The following ADK variants were observed in gnomAD, a reference collection of about 807,000 sequenced individuals.
The protein encoded by ADK is N6,N6-dimethyladenosine kinase.
Under a neutral mutation model 44.7 loss-of-function variants are expected in ADK, and 24 were observed. The observed-to-expected ratio is 0.54, with a 90% confidence interval of 0.39 to 0.76. The LOEUF (loss-of-function observed/expected upper bound fraction) is 0.76. Among genes scored for constraint, ADK ranks in the 30% least tolerant of loss-of-function variants. The probability of loss-of-function intolerance (pLI) is 0.00; values close to 1 mark genes in which losing one functional copy is unlikely to be tolerated. For missense variants in ADK, 321 were observed against 425.1 expected (o/e 0.76, Z 2.15); for synonymous variants, 128 against 142.6 (o/e 0.90, Z 0.73).
At chr10:74,182,580 G>C (rs1842600362) in intron 1 of ADK, among the ~76,000 whole-genome samples, 1 of 152,092 alleles carries the variant, frequency 6.6e-6, no homozygotes, top group Non-Finnish European at 1.5e-5. Flanking sequence ...TATTGGTCAG[G>C]CTGGCCTCGA....
At chr10:74,350,780 A>G (rs1414468729) in intron 4 of ADK, among the ~76,000 whole-genome samples, 1 of 152,230 alleles carries the variant, frequency 6.6e-6, no homozygotes, top group South Asian at 2.1e-4. Flanking sequence ...AGAGAATACT[A>G]TAAACACCTC....
chr10:74,218,564 T>C (rs1323929974), intron 2 of ADK, among the ~76,000 whole-genome samples: 1 of 151,916 alleles, frequency 6.6e-6, no homozygotes, highest in Non-Finnish European at 1.5e-5. Flanking sequence ...GACACATAAT[T>C]GTCAGATTCA....
chr10:74,196,528 G>T lies in ADK; in HGVS notation c.66-4236G>T, dbSNP rs568643080. On this transcript the variant is annotated intron_variant, in intron 1 of 10. Transcript: ENST00000539909. Reference sequence around the variant, plus strand: ...GCATTCCAGCCTGGTGACAGAGCGAGATTCTGTCTCAAAAAAAAGAAAATG... The same window carrying T: ...GCATTCCAGCCTGGTGACAGAGCGATATTCTGTCTCAAAAAAAAGAAAATG... 3.9e-5 allele frequency among the ~76,000 whole-genome samples: 6 copies of T among 152,170 alleles called. No individual in the cohort carries two copies. The South Asian group carries it at 1.0e-3, about 26-fold the overall frequency.
chr10:74,457,798 A>G (rs1052180489), intron 6 of ADK, among the ~76,000 whole-genome samples: 1 of 152,170 alleles, frequency 6.6e-6, no homozygotes, highest in African/African-American at 2.4e-5. Context: ...GTTCTCACTC[A>G]TAAGTGGGGG....
chr10:74,606,600 CTGTT>C (rs1336682986), intron 9 of ADK, among the ~76,000 whole-genome samples: 1 of 152,098 alleles, frequency 6.6e-6, no homozygotes, highest in African/African-American at 2.4e-5. Context: ...GTCTGAGAGA[CTGTT>C]TGTTATGATT....
chr10:74,353,379 A>G (rs992544690), intron 4 of ADK, among the ~76,000 whole-genome samples: 1 of 152,016 alleles, frequency 6.6e-6, no homozygotes, highest in Admixed American at 6.6e-5. Context: ...GACACAGGGA[A>G]TGGAGCATAA....
rs1841577943 is a variant in ADK, at chr10:74,151,321, G to A, written c.43G>A (p.Val15Met). 6.5e-7 allele frequency: 1 copy of A among 1,549,554 alleles called. No homozygotes were observed. Among genetic ancestry groups the A allele is most frequent in the African/African-American group, 1.4e-5 (1 of 72,984 alleles). The change falls in exon 1 of 11, where the codon GTG becomes ATG. Residue 15 changes from valine (V) to methionine (M), a missense_variant. By Grantham distance (21) the Val-to-Met change is conservative. Transcript: ENST00000539909. ...EEEPKPKKLK[V>M]EAPQALRENI... ...GGAGCCGAAGCCCAAAAAGCTGAAG[G>A]TGGAGGCGCCGCAAGCGCTGAGGTG...
At chr10:74,279,771 G>C (rs1234429398) in intron 3 of ADK, among the ~76,000 whole-genome samples, 2 of 151,866 alleles carry the variant, frequency 1.3e-5, no homozygotes, top group African/African-American at 2.4e-5. Context: ...AAGTGCTCAG[G>C]TCTGTAATCC....
intron 6 of ADK, among the ~76,000 whole-genome samples, chr10:74,488,822 G>A (rs1416724475): frequency 1.3e-5 from 2 of 151,790 alleles, no homozygotes; most frequent in African/African-American, 4.8e-5. Flanking sequence ...AGATTGAGTA[G>A]CTAATCTTAG....
At chr10:74,248,839 G>A (rs974278506) in intron 3 of ADK, among the ~76,000 whole-genome samples, 12 of 152,186 alleles carry the variant, frequency 7.9e-5, no homozygotes, top group Non-Finnish European at 7.3e-5. Flanking sequence ...AGGAGGATGA[G>A]TTTTGTTTGT....
Position 74,478,391 on chromosome 10 carries a change from T to A in ADK, c.556-46865T>A, listed in dbSNP as rs148245804. Among the ~76,000 whole-genome samples, 144 of 152,172 alleles carry A rather than the reference T, an allele frequency of 9.5e-4. No individual in the cohort carries two copies. The Middle Eastern group carries it at 0.014, about 14-fold the overall frequency. Reference sequence around the variant, plus strand: ...TGTGCCACCACACCTAGCTAATTTTTAAAAAAAATTTTCATAGAGATGAGT... The same window carrying A: ...TGTGCCACCACACCTAGCTAATTTTAAAAAAAAATTTTCATAGAGATGAGT... On this transcript the variant is annotated intron_variant, in intron 6 of 10. Transcript: ENST00000539909.
intron 3 of ADK, among the ~76,000 whole-genome samples, chr10:74,267,833 A>G (rs1238606350): frequency 6.8e-6 from 1 of 146,026 alleles, no homozygotes; most frequent in Non-Finnish European, 1.5e-5. Flanking sequence ...CAGGTGTAGG[A>G]TTATGTCATA....
intron 1 of ADK, among the ~76,000 whole-genome samples, chr10:74,169,274 G>C (rs1842105556): frequency 6.6e-6 from 1 of 152,034 alleles, no homozygotes; most frequent in Admixed American, 6.6e-5. Context: ...TTTTGAGAAG[G>C]GCTATTCTTT....
At chr10:74,487,008 A>G (rs1269551913) in intron 6 of ADK, among the ~76,000 whole-genome samples, 1 of 152,112 alleles carries the variant, frequency 6.6e-6, no homozygotes, top group African/African-American at 2.4e-5. Flanking sequence ...ACAACTCCTT[A>G]TTCAAAGTGG....
At chr10:74,685,580 A>G (rs1303440324) in intron 10 of ADK, among the ~76,000 whole-genome samples, 1 of 152,248 alleles carries the variant, frequency 6.6e-6, no homozygotes, top group Non-Finnish European at 1.5e-5. Context: ...TTCTAAAGGT[A>G]GAAGAAATTG....
chr10:74,532,690 C>A (rs1849329674), intron 7 of ADK, among the ~76,000 whole-genome samples: 1 of 151,832 alleles, frequency 6.6e-6, no homozygotes, highest in Non-Finnish European at 1.5e-5. Flanking sequence ...CATTTGAGGT[C>A]AAGAGTTCTA....
chr10:74,168,706 G>A (rs1054108303), intron 1 of ADK, among the ~76,000 whole-genome samples: 5 of 151,024 alleles, frequency 3.3e-5, no homozygotes, highest in Non-Finnish European at 5.9e-5. Flanking sequence ...TCCACCTCCC[G>A]GGTTCAAGCG....
chr10:74,546,222 G>A (rs1849813999), intron 7 of ADK, among the ~76,000 whole-genome samples: 1 of 152,168 alleles, frequency 6.6e-6, no homozygotes, highest in Non-Finnish European at 1.5e-5. Flanking sequence ...ATGGGTGAAA[G>A]TAATATAAAC....
intron 2 of ADK, among the ~76,000 whole-genome samples, chr10:74,219,395 C>G (rs1844198013): frequency 2.0e-5 from 3 of 152,124 alleles, no homozygotes; most frequent in African/African-American, 7.2e-5. Flanking sequence ...TACAAAGAGA[C>G]TTAGACTCCC....
Sources: allele counts gnomAD v4.1 joint callset (sites outside exome capture counted in the v4.1 genomes callset), GRCh38; gene constraint gnomAD v4.1.1; transcripts MANE v1.5; gene names NCBI Gene and HGNC (gene_info 2026-07-23, HGNC 2026-07-21).